The following LRRC69 variants were observed in gnomAD, a reference collection of about 807,000 sequenced individuals.
LRRC69 encodes the protein leucine rich repeat containing 69.
A neutral mutation model predicts 37.8 loss-of-function variants in LRRC69; 42 were observed. The observed-to-expected ratio is 1.11, with a 90% CI of 0.87 to 1.44. The LOEUF (loss-of-function observed/expected upper bound fraction) is 1.44, where lower values mean the gene tolerates loss of function less well. LRRC69 is among the 40% of genes most tolerant of loss of function. LRRC69 has a pLI of 0.00. For synonymous variants in LRRC69, 141 were observed against 143.1 expected (o/e 0.99, Z 0.11); for missense variants, 357 against 401.9 (o/e 0.89, Z 0.96).
chr8:91,150,515 A>G (rs1162085016), intron 5 of LRRC69, among the ~76,000 whole-genome samples: 3 of 151,968 alleles, frequency 2.0e-5, no homozygotes, highest in African/African-American at 7.2e-5. Context: ...TTTTGCGTCA[A>G]TGTTCATCAG....
chr8:91,219,134 A>G (rs1810113682), downstream of LRRC69: 2 of 432,876 alleles, frequency 4.6e-6, no homozygotes, highest in Non-Finnish European at 8.2e-6. Context: ...AAATAATTCC[A>G]TTATAACGTT....
At chr8:91,121,128 C>T (rs962916824) in intron 1 of LRRC69, among the ~76,000 whole-genome samples, 2 of 151,856 alleles carry the variant, frequency 1.3e-5, no homozygotes, top group African/African-American at 2.4e-5. Flanking sequence ...ATATCCCAAA[C>T]CCATCCACGT....
intron 5 of LRRC69, among the ~76,000 whole-genome samples, chr8:91,163,190 T>C (rs1586258174): frequency 6.6e-6 from 1 of 151,466 alleles, no homozygotes; most frequent in South Asian, 2.1e-4. Context: ...TGACATCAAA[T>C]TTTAAATTTT....
At chr8:91,173,622 A>G (rs950018838) in intron 5 of LRRC69, among the ~76,000 whole-genome samples, 1 of 152,170 alleles carries the variant, frequency 6.6e-6, no homozygotes, top group African/African-American at 2.4e-5. Flanking sequence ...CTGGGCTGCT[A>G]TAACAAAATA....
At chr8:91,207,029 C>T (rs141774825) in intron 7 of LRRC69, among the ~76,000 whole-genome samples, 143 of 152,304 alleles carry the variant, frequency 9.4e-4, no homozygotes, top group Middle Eastern at 3.4e-3. Flanking sequence ...CTTCTGTCCT[C>T]ATTTATTTAT....
At chr8:91,182,951 A>T (rs1809348233) in intron 5 of LRRC69, among the ~76,000 whole-genome samples, 1 of 152,216 alleles carries the variant, frequency 6.6e-6, no homozygotes, top group Non-Finnish European at 1.5e-5. Context: ...GGCTTCCTGG[A>T]GGAGGTGACA....
intron 3 of LRRC69, among the ~76,000 whole-genome samples, chr8:91,131,492 T>C (rs1343021444): frequency 6.6e-6 from 1 of 152,034 alleles, no homozygotes. Flanking sequence ...TATACCTGAA[T>C]ATAATATATC....
chr8:91,125,379 A>T (rs947351226), intron 2 of LRRC69, among the ~76,000 whole-genome samples: 1 of 151,836 alleles, frequency 6.6e-6, no homozygotes, highest in Non-Finnish European at 1.5e-5. Flanking sequence ...TGCAGCAATA[A>T]ATTAGGGGTT....
chr8:91,145,212 C>A lies in LRRC69; in HGVS notation c.651+9473C>A, dbSNP rs1299576543. On this transcript the variant is annotated intron_variant, in intron 5 of 7. Coordinates refer to ENST00000448384, the Ensembl canonical transcript of LRRC69. ...TATCAAAACTTTTGAAACTCTTTTG[C>A]AAGATGGTAGAAAATAGCCTAAAAG... is the stretch of plus-strand genomic sequence containing the variant. Among the ~76,000 whole-genome samples the A allele has an allele frequency of 1.3e-5, 2 of 151,842 alleles. 1 individual carries two copies. Among genetic ancestry groups the A allele is most frequent in the Admixed American group, 1.3e-4 (2 of 15,198 alleles).
intron 5 of LRRC69, among the ~76,000 whole-genome samples, chr8:91,174,907 T>C (rs1197057089): frequency 6.6e-6 from 1 of 152,154 alleles, no homozygotes; most frequent in African/African-American, 2.4e-5. Flanking sequence ...GAAAAGACTG[T>C]TTTTAAGGAA....
chr8:91,211,188 G>C (rs6651265), intron 7 of LRRC69, among the ~76,000 whole-genome samples: 103,286 of 151,850 alleles, frequency 0.68, 35,491 homozygotes, highest in Middle Eastern at 0.76. Flanking sequence ...AAAATTATAA[G>C]AAGAAAAAAT....
chr8:91,154,195 AC>A, intron 5 of LRRC69, among the ~76,000 whole-genome samples: 1 of 151,802 alleles, frequency 6.6e-6, no homozygotes, highest in East Asian at 1.9e-4. Flanking sequence ...TAGACCAATA[AC>A]AAGTTCTGAA....
chr8:91,202,902 T>C (rs1166518601), intron 7 of LRRC69, among the ~76,000 whole-genome samples: 1 of 152,182 alleles, frequency 6.6e-6, no homozygotes, highest in Admixed American at 6.5e-5. Flanking sequence ...TGAGAGATGA[T>C]GATCGCAGTG....
chr8:91,199,269 C>T (rs973602134), intron 6 of LRRC69, among the ~76,000 whole-genome samples: 4 of 152,184 alleles, frequency 2.6e-5, no homozygotes, highest in Admixed American at 2.6e-4. Context: ...CTGATTTAGG[C>T]ACCCTTGTAA....
chr8:91,133,096 T>TG lies in LRRC69; in HGVS notation c.384-14_384-13insG. 8.2e-7 allele frequency: 1 copy of TG among 1,212,956 alleles called. No individual in the cohort carries two copies. Among genetic ancestry groups the TG allele is most frequent in the Non-Finnish European group, 1.1e-6 (1 of 912,900 alleles). 75.1% of individuals were successfully genotyped at this position (1,212,956 alleles called of 1,614,324 possible). ...GAGTTTCATTCATATACTTTGGTGTTTTTTTTTTTTTAGATTAAAAAGTCT... is the reference window on the plus strand; with the variant it reads ...GAGTTTCATTCATATACTTTGGTGTTGTTTTTTTTTTTAGATTAAAAAGTCT... On this transcript the variant is annotated splice_polypyrimidine_tract_variant and intron_variant, in intron 3 of 7. Transcript: ENST00000448384.
chr8:91,151,149 G>A (rs948919424), intron 5 of LRRC69, among the ~76,000 whole-genome samples: 36 of 151,972 alleles, frequency 2.4e-4, no homozygotes, highest in Middle Eastern at 3.4e-3. Flanking sequence ...GTTTGCTCTT[G>A]CTTCTCTAGT....
chr8:91,163,404 A>G (rs978580198), intron 5 of LRRC69, among the ~76,000 whole-genome samples: 1 of 151,486 alleles, frequency 6.6e-6, no homozygotes, highest in Non-Finnish European at 1.5e-5. Context: ...ATAAGCAACA[A>G]TACACATTGT....
At chr8:91,152,590 A>G (rs1242070700) in intron 5 of LRRC69, among the ~76,000 whole-genome samples, 1 of 151,674 alleles carries the variant, frequency 6.6e-6, no homozygotes, top group African/African-American at 2.4e-5. Flanking sequence ...CTTTTTGCTT[A>G]GGATTGTCTT....
chr8:91,109,494 G>T (rs1813375067), intron 1 of LRRC69, among the ~76,000 whole-genome samples: 1 of 151,916 alleles, frequency 6.6e-6, no homozygotes, highest in Non-Finnish European at 1.5e-5. Flanking sequence ...CATTTTAATT[G>T]AATGTCATTT....
Sources: allele counts gnomAD v4.1 joint callset (sites outside exome capture counted in the v4.1 genomes callset), GRCh38; gene constraint gnomAD v4.1.1; transcripts MANE v1.5; gene names NCBI Gene and HGNC (gene_info 2026-07-23, HGNC 2026-07-21).